The following COP1 variants were observed in gnomAD, a reference collection of about 807,000 sequenced individuals.
COP1 encodes COP1 E3 ubiquitin ligase, also known as E3 ubiquitin-protein ligase COP1.
Under a neutral mutation model 101.3 loss-of-function variants are expected in COP1, and 24 were observed. The ratio of observed to expected loss-of-function variants is 0.24; its 90% CI spans 0.17 to 0.33. The LOEUF is 0.33. Ranked by LOEUF, COP1 falls within the 10% of genes least tolerant of loss-of-function variation. The pLI is 1.00. For synonymous variants in COP1, 347 were observed against 341.9 expected (o/e 1.01, Z -0.17); for missense variants, 663 against 906.2 (o/e 0.73, Z 3.45).
chr1:176,130,378 C>G lies in COP1; in HGVS notation c.968+4632G>C, dbSNP rs139156446. On this transcript the variant is annotated intron_variant, in intron 8 of 19. Coordinates refer to ENST00000367669, the MANE Select transcript of COP1 (RefSeq NM_022457.7). The stretch of plus-strand genomic sequence containing the variant: ...CCAATCTCTAATTTTCTCATTATTT[C>G]ACACACACAACTATGCAACAATAAA... Among the ~76,000 whole-genome samples the G allele has an allele frequency of 2.6e-3, 397 of 151,736 alleles. 3 individuals are homozygous for G. Among genetic ancestry groups the G allele is most frequent in the African/African-American group, 9.1e-3 (379 of 41,494 alleles).
At chr1:176,107,129 G>T (rs1385440789) in intron 9 of COP1, among the ~76,000 whole-genome samples, 4 of 151,978 alleles carry the variant, frequency 2.6e-5, no homozygotes. Context: ...TGATTCCTGG[G>T]AGTCCTTCAG....
intron 11 of COP1, among the ~76,000 whole-genome samples, chr1:176,053,194 TC>T (rs894390577): frequency 6.6e-6 from 1 of 152,176 alleles, no homozygotes; most frequent in Non-Finnish European, 1.5e-5. Flanking sequence ...CCCCTTGCTT[TC>T]TCATTCTAAG....
intron 9 of COP1, among the ~76,000 whole-genome samples, chr1:176,089,376 C>T (rs1680878165): frequency 6.6e-6 from 1 of 151,896 alleles, no homozygotes; most frequent in South Asian, 2.1e-4. Flanking sequence ...TATACACATG[C>T]CAAAGAGTTT....
chr1:176,124,327 C>T (rs1474141486), intron 8 of COP1, among the ~76,000 whole-genome samples: 1 of 151,854 alleles, frequency 6.6e-6, no homozygotes, highest in African/African-American at 2.4e-5. Flanking sequence ...ACTATAGTCA[C>T]CCTGTTATGC....
At chr1:175,957,193 G>A (rs1238343604) in intron 18 of COP1, among the ~76,000 whole-genome samples, 2 of 151,776 alleles carry the variant, frequency 1.3e-5, no homozygotes, top group African/African-American at 4.8e-5. Flanking sequence ...TGTTGATAAA[G>A]TCTACAGTAA....
intron 9 of COP1, among the ~76,000 whole-genome samples, chr1:176,097,784 G>A (rs1451921904): frequency 1.3e-5 from 2 of 148,964 alleles, no homozygotes; most frequent in African/African-American, 2.5e-5. Flanking sequence ...CGGGACAATC[G>A]CTTGAACATG....
chr1:176,057,320 T>TCTCCCTCTCCCTCTCCCC (rs1673715835), intron 11 of COP1, among the ~76,000 whole-genome samples: 1 of 152,058 alleles, frequency 6.6e-6, no homozygotes, highest in African/African-American at 2.4e-5. Flanking sequence ...GACCTCTCCC[T>TCTCCCTCTCCCTCTCCCC]CTCCCTCTCC....
intron 1 of COP1, among the ~76,000 whole-genome samples, chr1:176,194,356 T>C (rs1396620169): frequency 2.0e-5 from 3 of 152,114 alleles, no homozygotes; most frequent in Admixed American, 2.0e-4. Context: ...AGGCAGACTG[T>C]TGGCTGGGCG....
At chr1:176,086,504 G>A (rs1278756097) in intron 9 of COP1, among the ~76,000 whole-genome samples, 1 of 152,084 alleles carries the variant, frequency 6.6e-6, no homozygotes, top group Non-Finnish European at 1.5e-5. Context: ...GGGATTACAG[G>A]CATGAGCCAC....
chr1:176,188,277 A>T (rs1259331419), intron 1 of COP1, among the ~76,000 whole-genome samples: 1 of 152,214 alleles, frequency 6.6e-6, no homozygotes, highest in Non-Finnish European at 1.5e-5. Flanking sequence ...TAGGTAGAAT[A>T]GAATAAAGAA....
At chr1:175,969,367 C>T (rs1437472027) in intron 18 of COP1, among the ~76,000 whole-genome samples, 1 of 152,130 alleles carries the variant, frequency 6.6e-6, no homozygotes, top group Non-Finnish European at 1.5e-5. Context: ...TCCTCTGAAG[C>T]AGGTCATAAA....
In COP1 at chr1:176,149,736, C is replaced by T. The variant is rs1236344155; in HGVS notation, c.763-662G>A. ...CCTTGACATTTTCTGAGTAGCAAAA[C>T]ATAAAAACACAAGTATGTATCATTT... is the stretch of plus-strand genomic sequence containing the variant. On this transcript the variant is annotated intron_variant, in intron 5 of 19. Coordinates refer to ENST00000367669, the MANE Select transcript of COP1 (RefSeq NM_022457.7). Among the ~76,000 whole-genome samples the T allele has an allele frequency of 3.3e-5, 5 of 151,870 alleles. No homozygotes were observed. In the South Asian group the frequency reaches 1.0e-3, roughly 32 times the overall value.
Position 176,207,105 on chromosome 1 carries a change from G to T in COP1, c.-127C>A. The T allele has an allele frequency of 1.4e-6, 1 of 736,382 alleles. No individual in the cohort carries two copies. The highest frequency in any genetic ancestry group is 1.9e-6 in the Non-Finnish European group (1 of 513,348). 45.6% of individuals were successfully genotyped at this position (736,382 alleles called of 1,614,324 possible). ...CCCGCCGAGCCGGAGGTGGGGCTGA[G>T]GAACAATAAAGTTGCGTTTTTTTTT... On this transcript the variant is annotated 5_prime_UTR_variant, in exon 1 of 20. Transcript: ENST00000367669.
chr1:176,180,856 T>C (rs1334653835), intron 2 of COP1, among the ~76,000 whole-genome samples: 2 of 152,176 alleles, frequency 1.3e-5, no homozygotes, highest in African/African-American at 2.4e-5. Context: ...AGATGATGGA[T>C]TAGCCAAGAG....
chr1:175,981,233 T>C (rs1245645003), intron 18 of COP1, among the ~76,000 whole-genome samples: 1 of 152,180 alleles, frequency 6.6e-6, no homozygotes, highest in East Asian at 1.9e-4. Context: ...TGTCTAGAGA[T>C]TTTCACTGGA....
At chr1:175,979,908 G>A (rs995607759) in intron 18 of COP1, among the ~76,000 whole-genome samples, 53 of 151,976 alleles carry the variant, frequency 3.5e-4, no homozygotes, top group African/African-American at 9.2e-4. Flanking sequence ...GTGTTGTATC[G>A]TTCATTACAA....
intron 1 of COP1, among the ~76,000 whole-genome samples, chr1:176,187,402 C>CGTGTGTGTGTGT (rs35205766): frequency 7.4e-5 from 11 of 149,232 alleles, no homozygotes; most frequent in African/African-American, 2.5e-4. Flanking sequence ...TATAAATATA[C>CGTGTGTGTGTGT]GTGTGTGTGT....
chr1:176,172,557 A>G (rs976258411), intron 3 of COP1, among the ~76,000 whole-genome samples: 3 of 152,202 alleles, frequency 2.0e-5, no homozygotes, highest in Non-Finnish European at 4.4e-5. Flanking sequence ...AAGTAGGTGC[A>G]AGGATGCCAA....
intron 15 of COP1, among the ~76,000 whole-genome samples, chr1:176,024,127 C>T (rs1416202724): frequency 2.0e-5 from 3 of 152,106 alleles, no homozygotes. Context: ...GATGTGGTGG[C>T]TGGTGCCCGT....
Sources: allele counts gnomAD v4.1 joint callset (sites outside exome capture counted in the v4.1 genomes callset), GRCh38; gene constraint gnomAD v4.1.1; transcripts MANE v1.5; gene names NCBI Gene and HGNC (gene_info 2026-07-23, HGNC 2026-07-21).